The following CDK14 variants were observed in gnomAD, a reference collection of about 807,000 sequenced individuals.
CDK14 encodes the protein cyclin-dependent kinase 14.
In CDK14, 34 loss-of-function variants were observed where a neutral mutation model predicts 60.7. That is an observed-to-expected ratio of 0.56 (90% CI 0.43 to 0.75). The LOEUF (loss-of-function observed/expected upper bound fraction) is 0.75, where lower values mean the gene tolerates loss of function less well. Among genes scored for constraint, CDK14 ranks in the 30% least tolerant of loss-of-function variants. The probability of loss-of-function intolerance (pLI) is 0.00; values close to 1 mark genes in which losing one functional copy is unlikely to be tolerated. For missense variants in CDK14, 482 were observed against 564.1 expected (o/e 0.85, Z 1.47); for synonymous variants, 197 against 203.7 (o/e 0.97, Z 0.28).
At chr7:91,006,522 T>A (rs1433365809) in intron 10 of CDK14, among the ~76,000 whole-genome samples, 1 of 152,254 alleles carries the variant, frequency 6.6e-6, no homozygotes, top group Non-Finnish European at 1.5e-5. Flanking sequence ...AATAATTTGT[T>A]CCCTATATCA....
chr7:90,976,590 C>T (rs1194523372), intron 9 of CDK14, among the ~76,000 whole-genome samples: 3 of 151,952 alleles, frequency 2.0e-5, no homozygotes, highest in Admixed American at 1.3e-4. Flanking sequence ...CTTGAACTCC[C>T]TAGCCTCAAG....
chr7:91,126,806 A>ACTCC (rs1799962340), intron 14 of CDK14, among the ~76,000 whole-genome samples: 1 of 148,568 alleles, frequency 6.7e-6, no homozygotes. Flanking sequence ...CCGCTTGCCT[A>ACTCC]CTCCCTCATT....
chr7:90,739,931 C>G (rs987741539), intron 3 of CDK14, among the ~76,000 whole-genome samples: 4 of 152,058 alleles, frequency 2.6e-5, no homozygotes, highest in Admixed American at 2.0e-4. Flanking sequence ...ATGAAAAATG[C>G]ATGAGAACAT....
chr7:91,016,130 C>G (rs1796297088), intron 10 of CDK14, among the ~76,000 whole-genome samples: 1 of 152,074 alleles, frequency 6.6e-6, no homozygotes, highest in Non-Finnish European at 1.5e-5. Context: ...ATAGAGCTGC[C>G]CACAAGAAAA....
In CDK14 at chr7:91,098,527, GAA is replaced by G. The variant is rs35620677; in HGVS notation, c.1155-14005_1155-14004del. ...AAAAAGAAAGAAAAAGAAAGAAAGA[GAA>G]AAAAAAAAAGAAATAAAGGCAAAAA... On this transcript the variant is annotated intron_variant, in intron 12 of 14. Coordinates refer to ENST00000380050, the MANE Select transcript of CDK14 (RefSeq NM_001287135.2). 6.1e-3 allele frequency among the ~76,000 whole-genome samples: 820 copies of G among 133,832 alleles called. 4 individuals carry two copies. The highest frequency in any genetic ancestry group is 0.018 in the South Asian group (76 of 4,250). 87.8% of individuals were successfully genotyped at this position (133,832 alleles called of 152,430 possible).
At chr7:90,804,181 A>G (rs1341207272) in intron 5 of CDK14, among the ~76,000 whole-genome samples, 1 of 152,204 alleles carries the variant, frequency 6.6e-6, no homozygotes, top group South Asian at 2.1e-4. Flanking sequence ...TTCAGTCTTG[A>G]TGGAGACTGT....
At chr7:91,060,799 G>A (rs1395958313) in intron 11 of CDK14, among the ~76,000 whole-genome samples, 1 of 152,158 alleles carries the variant, frequency 6.6e-6, no homozygotes, top group Non-Finnish European at 1.5e-5. Context: ...CCCTTTGTGG[G>A]TAACCCGACC....
chr7:90,918,104 T>C (rs895567821), intron 8 of CDK14, among the ~76,000 whole-genome samples: 1 of 152,184 alleles, frequency 6.6e-6, no homozygotes, highest in African/African-American at 2.4e-5. Flanking sequence ...TATAATGAAC[T>C]TCAATTACTC....
intron 5 of CDK14, among the ~76,000 whole-genome samples, chr7:90,792,731 C>T (rs1805882986): frequency 6.6e-6 from 1 of 152,202 alleles, no homozygotes; most frequent in Admixed American, 6.5e-5. Flanking sequence ...CCTCACTTCT[C>T]TTGCCTTATT....
chr7:90,762,873 CAGCTACTCAAG>C (rs1804378120), intron 4 of CDK14, among the ~76,000 whole-genome samples: 1 of 152,060 alleles, frequency 6.6e-6, no homozygotes, highest in South Asian at 2.1e-4. Context: ...CCTGTAATCC[CAGCTACTCAAG>C]AGGCTGAGGC....
chr7:90,974,751 C>T (rs1474184467), intron 9 of CDK14, among the ~76,000 whole-genome samples: 1 of 152,032 alleles, frequency 6.6e-6, no homozygotes, highest in African/African-American at 2.4e-5. Context: ...TGAAAATATG[C>T]ATCAAATGCA....
chr7:91,170,859 C>T (rs1269882318), intron 14 of CDK14, among the ~76,000 whole-genome samples: 4 of 150,972 alleles, frequency 2.6e-5, no homozygotes, highest in Non-Finnish European at 5.9e-5. Context: ...CTCCACCTCC[C>T]GGGTTCAAGT....
At chr7:91,141,240 A>G (rs1437040783) in intron 14 of CDK14, among the ~76,000 whole-genome samples, 4 of 152,224 alleles carry the variant, frequency 2.6e-5, no homozygotes, top group African/African-American at 9.6e-5. Context: ...GAAAATCGTC[A>G]GTGTGACGTA....
intron 7 of CDK14, among the ~76,000 whole-genome samples, chr7:90,906,763 G>A (rs1792721728): frequency 6.6e-6 from 1 of 151,762 alleles, no homozygotes; most frequent in African/African-American, 2.4e-5. Flanking sequence ...ATGAAGGGGA[G>A]AAAAAAAGAA....
chr7:90,726,435 C>CT, intron 2 of CDK14, 132 bp from the exon 3 acceptor site: 1 of 1,239,830 alleles, frequency 8.1e-7, no homozygotes, highest in Non-Finnish European at 1.1e-6. Context: ...GCTGATGCAG[C>CT]TTTTAGAATG....
At chr7:90,989,926 G>A (rs540935351) in intron 10 of CDK14, among the ~76,000 whole-genome samples, 44 of 152,198 alleles carry the variant, frequency 2.9e-4, no homozygotes, top group South Asian at 1.0e-3. Flanking sequence ...TTTGTATTAA[G>A]CACTAAAGAA....
intron 8 of CDK14, among the ~76,000 whole-genome samples, chr7:90,942,435 A>G (rs972672317): frequency 2.0e-5 from 3 of 152,216 alleles, no homozygotes; most frequent in Non-Finnish European, 4.4e-5. Flanking sequence ...AAATTTCACA[A>G]TAAGGAGAAA....
chr7:90,786,941 A>G (rs2116953411), intron 4 of CDK14, among the ~76,000 whole-genome samples: 1 of 151,988 alleles, frequency 6.6e-6, no homozygotes, highest in Non-Finnish European at 1.5e-5. Flanking sequence ...AAAAAAAAAA[A>G]AAAAGGTTTA....
chr7:90,711,171 A>G (rs921455603), intron 2 of CDK14, among the ~76,000 whole-genome samples: 4 of 152,024 alleles, frequency 2.6e-5, no homozygotes, highest in Non-Finnish European at 4.4e-5. Flanking sequence ...AATTTAAGAA[A>G]GATCGCCTGA....
Sources: gnomAD v4.1 joint callset for allele counts (sites outside exome capture counted in the v4.1 genomes callset) on GRCh38, gnomAD v4.1.1 for gene constraint, MANE v1.5 for transcripts, NCBI Gene and HGNC (gene_info 2026-07-23, HGNC 2026-07-21) for gene names.